GALNTL6: variants seen among roughly 807,000 people sequenced by gnomAD.
GALNTL6 encodes the protein polypeptide N-acetylgalactosaminyltransferase-like 6.
In GALNTL6, 46 loss-of-function variants were observed where a neutral mutation model predicts 73.7. That is an observed-to-expected ratio of 0.62 (90% CI 0.49 to 0.80). The LOEUF (loss-of-function observed/expected upper bound fraction) is 0.80. Ranked by LOEUF, GALNTL6 falls within the 30% of genes least tolerant of loss-of-function variation. GALNTL6 has a pLI of 0.00. For missense variants in GALNTL6, 604 were observed against 755.0 expected (o/e 0.80, Z 2.34); for synonymous variants, 259 against 263.7 (o/e 0.98, Z 0.17).
At chr4:172,801,718 A>G (rs1406063813) in intron 5 of GALNTL6, among the ~76,000 whole-genome samples, 1 of 152,102 alleles carries the variant, frequency 6.6e-6, no homozygotes, top group Non-Finnish European at 1.5e-5. Flanking sequence ...TTTGTTTCTA[A>G]TATTTTCTCC....
At chr4:172,840,231 G>A (rs1273290518) in intron 7 of GALNTL6, among the ~76,000 whole-genome samples, 2 of 152,206 alleles carry the variant, frequency 1.3e-5, no homozygotes, top group Non-Finnish European at 2.9e-5. Context: ...CACTGGAACT[G>A]TTATAATGTT....
intron 5 of GALNTL6, among the ~76,000 whole-genome samples, chr4:172,759,983 C>T (rs1357209021): frequency 1.3e-5 from 2 of 150,870 alleles, no homozygotes; most frequent in African/African-American, 4.9e-5. Flanking sequence ...ACTACAGGCG[C>T]CCGCCACCGC....
chr4:172,642,279 A>G (rs1740023106), intron 5 of GALNTL6, among the ~76,000 whole-genome samples: 2 of 152,068 alleles, frequency 1.3e-5, no homozygotes, highest in African/African-American at 2.4e-5. Context: ...CTGCACTTCC[A>G]TATTCGTTGC....
At chr4:172,520,069 A>G (rs932938505) in intron 5 of GALNTL6, among the ~76,000 whole-genome samples, 1 of 151,962 alleles carries the variant, frequency 6.6e-6, no homozygotes, top group African/African-American at 2.4e-5. Context: ...AATATGTCGT[A>G]CATGTATGAG....
intron 7 of GALNTL6, among the ~76,000 whole-genome samples, chr4:172,842,229 A>T (rs1743251409): frequency 6.6e-6 from 1 of 152,224 alleles, no homozygotes; most frequent in Non-Finnish European, 1.5e-5. Flanking sequence ...AATGGCTTAA[A>T]GAATTTACCA....
intron 3 of GALNTL6, among the ~76,000 whole-genome samples, chr4:172,306,172 T>G (rs1740130637): frequency 6.6e-6 from 1 of 152,124 alleles, no homozygotes; most frequent in African/African-American, 2.4e-5. Flanking sequence ...GAAAGTAACC[T>G]GAGGCCAGAA....
chr4:172,960,181 AAC>A (rs1285812382), intron 10 of GALNTL6, among the ~76,000 whole-genome samples: 3 of 152,230 alleles, frequency 2.0e-5, no homozygotes, highest in African/African-American at 7.2e-5. Flanking sequence ...GTTGCTGCCA[AAC>A]AAGCCAAAAA....
At chr4:172,383,631 A>G (rs140489217) in intron 5 of GALNTL6, among the ~76,000 whole-genome samples, 3 of 152,234 alleles carry the variant, frequency 2.0e-5, no homozygotes, top group African/African-American at 7.2e-5. Context: ...GACAATGTTG[A>G]ATAAAAAGGT....
intron 2 of GALNTL6, among the ~76,000 whole-genome samples, chr4:172,179,536 A>G (rs1560956526): frequency 7.1e-6 from 1 of 141,612 alleles, no homozygotes; most frequent in Non-Finnish European, 1.5e-5. Flanking sequence ...GTTGGAGTTC[A>G]TTGTAGATTC....
chr4:171,844,863 G>A (rs1735330355), intron 2 of GALNTL6, among the ~76,000 whole-genome samples: 1 of 152,130 alleles, frequency 6.6e-6, no homozygotes, highest in South Asian at 2.1e-4. Flanking sequence ...CTTTGGAGAT[G>A]CTTGTTTCCA....
chr4:171,937,153 T>A (rs1211774749), intron 2 of GALNTL6, among the ~76,000 whole-genome samples: 1 of 152,164 alleles, frequency 6.6e-6, no homozygotes, highest in Non-Finnish European at 1.5e-5. Context: ...CTAGGGAAAC[T>A]TGCCTCAGTT....
chr4:172,900,483 T>C (rs1280596846), intron 8 of GALNTL6, among the ~76,000 whole-genome samples: 1 of 152,214 alleles, frequency 6.6e-6, no homozygotes, highest in Non-Finnish European at 1.5e-5. Flanking sequence ...CACTAAAGTC[T>C]ATTAATACAG....
chr4:172,349,904 C>T (rs1463266077), intron 5 of GALNTL6, among the ~76,000 whole-genome samples: 1 of 151,208 alleles, frequency 6.6e-6, no homozygotes, highest in Non-Finnish European at 1.5e-5. Flanking sequence ...GTTTTTGTCT[C>T]GTGTTGCATA....
chr4:173,024,643 G>A (rs569255298), intron 12 of GALNTL6, among the ~76,000 whole-genome samples: 7 of 152,270 alleles, frequency 4.6e-5, no homozygotes, highest in African/African-American at 1.2e-4. Flanking sequence ...GGTCAATGGC[G>A]TGATCTCGGC....
intron 2 of GALNTL6, among the ~76,000 whole-genome samples, chr4:172,126,932 G>A (rs775254672): frequency 2.6e-5 from 4 of 152,126 alleles, no homozygotes; most frequent in Non-Finnish European, 2.9e-5. Context: ...CAATGACCCC[G>A]CTGTCCTCAG....
At chr4:172,665,254 C>T (rs191578579) in intron 5 of GALNTL6, among the ~76,000 whole-genome samples, 25 of 152,258 alleles carry the variant, frequency 1.6e-4, no homozygotes, top group African/African-American at 5.8e-4. Context: ...GGGCATGCTG[C>T]GGGCCTCTGC....
chr4:171,986,799 A>C (rs1404234207), intron 2 of GALNTL6, among the ~76,000 whole-genome samples: 1 of 152,202 alleles, frequency 6.6e-6, no homozygotes, highest in African/African-American at 2.4e-5. Context: ...AATTGGGACG[A>C]CCCAGGACAT....
At chr4:172,692,647 G>T (rs372907688) in intron 5 of GALNTL6, among the ~76,000 whole-genome samples, 14 of 151,856 alleles carry the variant, frequency 9.2e-5, no homozygotes, top group Admixed American at 3.9e-4. Flanking sequence ...ACCTTTGTTT[G>T]CACTCTTATT....
rs116308349 is a variant in GALNTL6 at position 172,059,968 on chromosome 4, A to G, written c.139-169688A>G. Among the ~76,000 whole-genome samples the G allele has an allele frequency of 2.8e-3, 425 of 152,306 alleles. 3 individuals are homozygous for G. The highest frequency in any genetic ancestry group is 9.5e-3 in the African/African-American group (396 of 41,574). On this transcript the variant is annotated intron_variant, in intron 2 of 12. Transcript: ENST00000506823. The stretch of plus-strand genomic sequence containing the variant: ...AGGAAGCCCAGAAGGAGAGGCCTCA[A>G]AAGAAGACTGTAGGGAATTTGAATC...
Sources: allele counts gnomAD v4.1 joint callset (sites outside exome capture counted in the v4.1 genomes callset), GRCh38; gene constraint gnomAD v4.1.1; transcripts MANE v1.5; gene names NCBI Gene and HGNC (gene_info 2026-07-23, HGNC 2026-07-21).